The following SNURF variants were observed in gnomAD, a reference collection of about 807,000 sequenced individuals.
SNURF encodes the protein SNURF protein.
Under a neutral mutation model 11.6 loss-of-function variants are expected in SNURF, and 6 were observed. The observed-to-expected ratio is 0.52, with a 90% CI of 0.28 to 1.02. SNURF has a LOEUF of 1.02. Ranked by LOEUF, SNURF falls within the 50% of genes least tolerant of loss-of-function variation. SNURF has a pLI of 0.09. For missense variants in SNURF, 84 were observed against 88.4 expected (o/e 0.95, Z 0.20); for synonymous variants, 29 against 31.6 (o/e 0.92, Z 0.27).
chr15:24,972,037 C>T (rs920886640), downstream of SNURF, among the ~76,000 whole-genome samples: 3 of 152,060 alleles, frequency 2.0e-5, no homozygotes, highest in Non-Finnish European at 4.4e-5. Context: ...CGGCAGGTCA[C>T]CTGAAGTCAG....
At chr15:24,962,785 A>G (rs991103566) in intron 2 of SNURF, among the ~76,000 whole-genome samples, 5 of 152,210 alleles carry the variant, frequency 3.3e-5, no homozygotes, top group African/African-American at 4.8e-5. Flanking sequence ...GACCTAATAC[A>G]TATTTAGTCC....
chr15:24,976,657 G>A (rs1399247434), intron 5 of SNURF, among the ~76,000 whole-genome samples: 1 of 152,094 alleles, frequency 6.6e-6, no homozygotes, highest in Non-Finnish European at 1.5e-5. Flanking sequence ...ATGTTTGCTT[G>A]GTATGTTTAT....
At chr15:24,970,025 G>T (rs1198093161), downstream of SNURF, among the ~76,000 whole-genome samples, 1 of 152,180 alleles carries the variant, frequency 6.6e-6, no homozygotes, top group East Asian at 1.9e-4. Flanking sequence ...CAGATTGAAA[G>T]AAGAAAACAC....
At chr15:24,965,654 G>A (rs980682572) in intron 2 of SNURF, among the ~76,000 whole-genome samples, 1 of 152,108 alleles carries the variant, frequency 6.6e-6, no homozygotes, top group African/African-American at 2.4e-5. Flanking sequence ...TCGTGAGTTC[G>A]AAGGGAAATT....
intron 2 of SNURF, among the ~76,000 whole-genome samples, chr15:24,964,881 T>C (rs2075384919): frequency 6.6e-6 from 1 of 152,202 alleles, no homozygotes; most frequent in African/African-American, 2.4e-5. Context: ...TGGAAACATT[T>C]TGATGGTTTT....
At chr15:24,962,007 T>G in intron 1 of SNURF, 107 bp from the exon 2 acceptor site, 1 of 995,094 alleles carries the variant, frequency 1.0e-6, no homozygotes, top group Non-Finnish European at 1.6e-6. Flanking sequence ...TTTAATTAGA[T>G]TTAAAAATCC....
intron 1 of SNURF, among the ~76,000 whole-genome samples, chr15:24,961,549 TTTTGTTTG>T (rs374876404): frequency 1.3e-5 from 2 of 152,118 alleles, no homozygotes; most frequent in African/African-American, 4.8e-5. Flanking sequence ...ATGGCGGGTT[TTTTGTTTG>T]TTTGTTTGTT....
chr15:24,956,407 G>GGT (rs2062903712), intron 1 of SNURF, among the ~76,000 whole-genome samples: 2 of 152,086 alleles, frequency 1.3e-5, no homozygotes, highest in South Asian at 4.2e-4. Context: ...GGGGGCAGGT[G>GGT]GTGTGTGTTC....
At chr15:24,970,784 C>G (rs78549628), downstream of SNURF, among the ~76,000 whole-genome samples, 1 of 152,132 alleles carries the variant, frequency 6.6e-6, no homozygotes, top group Non-Finnish European at 1.5e-5. Flanking sequence ...ATTAGTTTCT[C>G]AGTACCACCC....
In SNURF at chr15:24,976,410, C is replaced by A. The variant is rs200650114; in HGVS notation, c.*303C>A. 58 of 1,604,564 alleles carry A rather than the reference C, an allele frequency of 3.6e-5. No individual in the cohort carries two copies. The Admixed American group carries it at 9.3e-4, about 26-fold the overall frequency. On this transcript the variant is annotated 3_prime_UTR_variant and NMD_transcript_variant, in exon 5 of 7. Coordinates refer to the SNURF transcript ENST00000580062. Reference sequence around the variant, plus strand: ...CCATGACTGTGGAGGGGCCACCCCCCAAAGATGTAAGGAAGATGTAGGGCA... The same window carrying A: ...CCATGACTGTGGAGGGGCCACCCCCAAAAGATGTAAGGAAGATGTAGGGCA...
chr15:24,977,080 G>A (rs776359730), intron 6 of SNURF: 22 of 1,425,484 alleles, frequency 1.5e-5, no homozygotes, highest in Middle Eastern at 2.1e-4. Flanking sequence ...TGACTAAGCC[G>A]GAGGCCGAGG....
downstream of SNURF, among the ~76,000 whole-genome samples, chr15:24,971,337 T>C (rs2076374240): frequency 6.6e-6 from 1 of 152,152 alleles, no homozygotes; most frequent in Admixed American, 6.5e-5. Context: ...AAGATAAATT[T>C]GACCACTCTG....
chr15:24,960,668 T>C (rs964226939), intron 1 of SNURF, among the ~76,000 whole-genome samples: 34 of 152,246 alleles, frequency 2.2e-4, no homozygotes, highest in African/African-American at 7.2e-4. Flanking sequence ...GATTAGCCAC[T>C]TGTATGTGTT....
rs428761 is a variant in SNURF, at chr15:24,958,174, C to T, written c.14+3112C>T. Among the ~76,000 whole-genome samples, 1,445 of 152,166 alleles carry T rather than the reference C, an allele frequency of 9.5e-3. 19 individuals are homozygous for T. Among genetic ancestry groups the T allele is most frequent in the African/African-American group, 0.032 (1,335 of 41,498 alleles). On this transcript the variant is annotated intron_variant, in intron 1 of 2. Coordinates refer to ENST00000577949, the Ensembl canonical transcript of SNURF. ...CTCTGTATCTTTATGTTTCCCTTACCCTGTTCCTTTTCCTAATAAACATCT... is the reference window on the plus strand; with the variant it reads ...CTCTGTATCTTTATGTTTCCCTTACTCTGTTCCTTTTCCTAATAAACATCT...
At chr15:24,972,694 C>G (rs75304235), downstream of SNURF, among the ~76,000 whole-genome samples, 3 of 151,780 alleles carry the variant, frequency 2.0e-5, no homozygotes, top group Non-Finnish European at 4.4e-5. Flanking sequence ...ACTTCAAGAC[C>G]CTTTACAATT....
Position 24,961,976 on chromosome 15 carries a change from C to T in SNURF, c.15-138C>T, listed in dbSNP as rs189091708. 52 of 816,894 alleles carry T rather than the reference C, an allele frequency of 6.4e-5. No homozygotes were observed. The African/African-American group carries it at 6.6e-4, about 10-fold the overall frequency. The allele number at this position is 816,894 out of a possible 1,614,324, so 50.6% of individuals were successfully genotyped here. A position where few individuals can be genotyped will look rare whatever the true frequency, so the allele number is the denominator to read the frequency against. On this transcript the variant is annotated intron_variant, in intron 1 of 2. Coordinates refer to ENST00000577949, the Ensembl canonical transcript of SNURF. ...TTATGACTGTTTGAAGGTTAAAGAT[C>T]TTGTAATAATTTTACCTTGTTTTAA...
At chr15:24,975,927 A>G (rs1350090410) in intron 4 of SNURF, among the ~76,000 whole-genome samples, 1 of 152,124 alleles carries the variant, frequency 6.6e-6, no homozygotes, top group Non-Finnish European at 1.5e-5. Flanking sequence ...CACTGTTCCC[A>G]TTATTTCAGT....
At chr15:24,960,458 G>A (rs917611919) in intron 1 of SNURF, among the ~76,000 whole-genome samples, 1 of 151,714 alleles carries the variant, frequency 6.6e-6, no homozygotes, top group African/African-American at 2.4e-5. Flanking sequence ...TCTCACCTTA[G>A]CCTCCTGAGT....
At chr15:24,968,237 T>C in exon 3 of SNURF, 1 of 562,086 alleles carries the variant, frequency 1.8e-6, no homozygotes, top group East Asian at 3.1e-5. Context: ...TGCAGGACCT[T>C]AAATTTTCTG....
Sources: allele counts gnomAD v4.1 joint callset (sites outside exome capture counted in the v4.1 genomes callset), GRCh38; gene constraint gnomAD v4.1.1; transcripts MANE v1.5; gene names NCBI Gene and HGNC (gene_info 2026-07-23, HGNC 2026-07-21).